Variants in PTPRT observed in about 807,000 individuals in gnomAD.
The protein encoded by PTPRT is protein tyrosine phosphatase receptor type T, also known as receptor-type tyrosine-protein phosphatase T.
Under a neutral mutation model 176.8 loss-of-function variants are expected in PTPRT, and 56 were observed. That is an observed-to-expected ratio of 0.32 (90% confidence interval 0.26 to 0.40). PTPRT has a LOEUF of 0.40. Among genes scored for constraint, PTPRT ranks in the 10% least tolerant of loss-of-function variants. PTPRT has a pLI of 1.00. For missense variants in PTPRT, 1,540 were observed against 1,908.2 expected (o/e 0.81, Z 3.60); for synonymous variants, 783 against 739.0 (o/e 1.06, Z -0.96).
intron 7 of PTPRT, among the ~76,000 whole-genome samples, chr20:42,590,928 G>A (rs572678218): frequency 1.5e-4 from 2 of 13,016 alleles, no homozygotes; most frequent in African/African-American, 6.3e-4. Context: ...GAGATTTAGC[G>A]TGTGTGTGTG....
At chr20:42,688,620 A>C (rs1000848495) in intron 6 of PTPRT, 2 of 152,122 alleles carry the variant, frequency 1.3e-5, no homozygotes, top group Non-Finnish European at 2.9e-5. Flanking sequence ...AGGTATTATA[A>C]TTATCTTTAT....
intron 18 of PTPRT, among the ~76,000 whole-genome samples, chr20:42,130,349 C>G (rs913670655): frequency 1.3e-5 from 2 of 152,146 alleles, no homozygotes; most frequent in Non-Finnish European, 2.9e-5. Context: ...GGGCCACCTG[C>G]TGGAACCTGA....
intron 9 of PTPRT, among the ~76,000 whole-genome samples, chr20:42,402,151 G>A (rs1396425449): frequency 6.6e-6 from 1 of 152,170 alleles, no homozygotes; most frequent in African/African-American, 2.4e-5. Flanking sequence ...CAGAGGTGTG[G>A]GAGATGGGGA....
intron 2 of PTPRT, among the ~76,000 whole-genome samples, chr20:42,847,698 G>A (rs760180603): frequency 6.6e-6 from 1 of 152,218 alleles, no homozygotes; most frequent in Non-Finnish European, 1.5e-5. Context: ...TCTGCTGGCT[G>A]AAGGGAAGGC....
intron 18 of PTPRT, among the ~76,000 whole-genome samples, chr20:42,139,989 C>T (rs1988548961): frequency 1.3e-5 from 2 of 152,272 alleles, no homozygotes; most frequent in Non-Finnish European, 2.9e-5. Flanking sequence ...GAATTACCAT[C>T]TTCCAAGAGA....
chr20:42,425,651 G>A (rs1399029435), intron 9 of PTPRT, among the ~76,000 whole-genome samples: 1 of 152,206 alleles, frequency 6.6e-6, no homozygotes, highest in Non-Finnish European at 1.5e-5. Flanking sequence ...ATAACTATGT[G>A]AGGAGATGGA....
chr20:43,038,563 T>C (rs557713393), intron 1 of PTPRT, among the ~76,000 whole-genome samples: 9 of 152,298 alleles, frequency 5.9e-5, no homozygotes, highest in Admixed American at 4.6e-4. Context: ...AAAAAGGATA[T>C]CTGCTATGAT....
intron 7 of PTPRT, among the ~76,000 whole-genome samples, chr20:42,600,562 G>A (rs1000444597): frequency 1.3e-4 from 20 of 152,200 alleles, no homozygotes; most frequent in East Asian, 5.8e-4. Context: ...CCATATCACC[G>A]GATAGTGTAC....
At chr20:42,484,313 G>C (rs1448249262) in intron 7 of PTPRT, among the ~76,000 whole-genome samples, 1 of 152,088 alleles carries the variant, frequency 6.6e-6, no homozygotes, top group Non-Finnish European at 1.5e-5. Context: ...ATAAGAAGTG[G>C]TTTGAGAAAA....
At chr20:42,287,689 T>C (rs978984919) in intron 12 of PTPRT, among the ~76,000 whole-genome samples, 1 of 151,788 alleles carries the variant, frequency 6.6e-6, no homozygotes, top group Non-Finnish European at 1.5e-5. Flanking sequence ...TTAAGCAAAA[T>C]ATATAGTTTC....
intron 1 of PTPRT, among the ~76,000 whole-genome samples, chr20:42,947,000 T>C (rs370328875): frequency 4.3e-4 from 66 of 152,266 alleles, no homozygotes; most frequent in African/African-American, 1.5e-3. Flanking sequence ...GCCACTTCGA[T>C]TCAGGTCAAA....
At chr20:42,230,628 T>G (rs904469409) in intron 15 of PTPRT, among the ~76,000 whole-genome samples, 4 of 152,136 alleles carry the variant, frequency 2.6e-5, no homozygotes, top group Non-Finnish European at 5.9e-5. Flanking sequence ...ACATACACAC[T>G]CTCTCGTTGC....
chr20:43,086,667 G>T (rs940287244), intron 1 of PTPRT, among the ~76,000 whole-genome samples: 1 of 152,250 alleles, frequency 6.6e-6, no homozygotes, highest in Non-Finnish European at 1.5e-5. Context: ...TTCCTTTGAG[G>T]ATTCAAAAAT....
intron 12 of PTPRT, among the ~76,000 whole-genome samples, chr20:42,305,492 T>C (rs965584672): frequency 3.9e-5 from 6 of 152,214 alleles, no homozygotes; most frequent in Non-Finnish European, 5.9e-5. Flanking sequence ...GTTCTGTATA[T>C]AAATTTCATA....
intron 12 of PTPRT, among the ~76,000 whole-genome samples, chr20:42,282,896 G>A (rs1364514971): frequency 6.6e-6 from 1 of 152,176 alleles, no homozygotes; most frequent in East Asian, 1.9e-4. Context: ...GCATGAGTGA[G>A]CAGATGGAAG....
chr20:42,217,625 AT>A (rs2055806674), intron 15 of PTPRT, among the ~76,000 whole-genome samples: 1 of 152,078 alleles, frequency 6.6e-6, no homozygotes, highest in South Asian at 2.1e-4. Flanking sequence ...CACTGTTGGT[AT>A]TTTGGGCCAG....
intron 11 of PTPRT, among the ~76,000 whole-genome samples, chr20:42,342,129 C>T (rs1010546945): frequency 6.6e-6 from 1 of 152,228 alleles, no homozygotes; most frequent in Middle Eastern, 3.2e-3. Flanking sequence ...TGTGCTATAT[C>T]ACCAGACTGA....
chr20:42,370,539 C>T (rs570030700), intron 9 of PTPRT, among the ~76,000 whole-genome samples: 214 of 152,282 alleles, frequency 1.4e-3, no homozygotes, highest in Middle Eastern at 0.01. Context: ...ACAATGTAAG[C>T]CACTTACTAG....
At chr20:42,350,081 AGT>A (rs1419811305) in intron 11 of PTPRT, among the ~76,000 whole-genome samples, 1 of 152,122 alleles carries the variant, frequency 6.6e-6, no homozygotes, top group African/African-American at 2.4e-5. Context: ...TGTTACTGGC[AGT>A]GACACAAAGA....
Sources: gnomAD v4.1 joint callset for allele counts (sites outside exome capture counted in the v4.1 genomes callset) on GRCh38, gnomAD v4.1.1 for gene constraint, MANE v1.5 for transcripts, NCBI Gene and HGNC (gene_info 2026-07-23, HGNC 2026-07-21) for gene names.